The following ELMO1 variants were observed in gnomAD, a reference collection of about 807,000 sequenced individuals.
The protein encoded by ELMO1 is engulfment and cell motility protein 1.
ELMO1 carries 26 observed loss-of-function variants against 98.9 expected under a neutral mutation model. That is an observed-to-expected ratio of 0.26 (90% CI 0.19 to 0.36). The LOEUF (loss-of-function observed/expected upper bound fraction) is 0.36, where lower values mean the gene tolerates loss of function less well. Ranked by LOEUF, ELMO1 falls within the 10% of genes least tolerant of loss-of-function variation. The probability of loss-of-function intolerance (pLI) is 1.00; values close to 1 mark genes in which losing one functional copy is unlikely to be tolerated. For missense variants in ELMO1, 627 were observed against 935.2 expected (o/e 0.67, Z 4.30); for synonymous variants, 346 against 346.0 (o/e 1.00, Z 0.00).
intron 14 of ELMO1, among the ~76,000 whole-genome samples, chr7:37,108,747 C>T (rs997651600): frequency 6.6e-6 from 1 of 152,180 alleles, no homozygotes; most frequent in Admixed American, 6.5e-5. Flanking sequence ...GTTGCACATA[C>T]AGTAGGTGCT....
intron 5 of ELMO1, chr7:37,270,898 C>G (rs111781094): frequency 3.4e-5 from 5 of 145,024 alleles, no homozygotes; most frequent in African/African-American, 5.1e-5. Flanking sequence ...CACACACACA[C>G]ACACAGACAC....
At chr7:37,243,514 T>A (rs371972862) in intron 7 of ELMO1, among the ~76,000 whole-genome samples, 12 of 152,208 alleles carry the variant, frequency 7.9e-5, no homozygotes, top group African/African-American at 2.7e-4. Context: ...CCCTAGAAGC[T>A]CAATATTGCT....
At chr7:37,117,937 A>G (rs920171570) in intron 14 of ELMO1, among the ~76,000 whole-genome samples, 1 of 150,046 alleles carries the variant, frequency 6.7e-6, no homozygotes, top group Non-Finnish European at 1.5e-5. Flanking sequence ...AACTGGCAAC[A>G]TATAATTTTA....
At chr7:36,875,718 T>C (rs1390786684) in intron 19 of ELMO1, among the ~76,000 whole-genome samples, 2 of 152,042 alleles carry the variant, frequency 1.3e-5, no homozygotes, top group Non-Finnish European at 2.9e-5. Context: ...AGGTTAGTTA[T>C]TTTCACCCTG....
intron 15 of ELMO1, among the ~76,000 whole-genome samples, chr7:37,053,805 T>A (rs1369453422): frequency 1.3e-5 from 2 of 152,146 alleles, no homozygotes; most frequent in Non-Finnish European, 2.9e-5. Context: ...TCTACATGTA[T>A]GCAATGTGCA....
intron 13 of ELMO1, among the ~76,000 whole-genome samples, chr7:37,158,387 A>G (rs1788947066): frequency 6.6e-6 from 1 of 152,224 alleles, no homozygotes; most frequent in Non-Finnish European, 1.5e-5. Flanking sequence ...AGAATGGGAG[A>G]AAAATTTTGC....
intron 14 of ELMO1, among the ~76,000 whole-genome samples, chr7:37,131,371 A>G (rs1380303522): frequency 1.3e-5 from 2 of 152,216 alleles, no homozygotes; most frequent in African/African-American, 4.8e-5. Flanking sequence ...AAGTTTTGTC[A>G]GGCTGCCATG....
intron 4 of ELMO1, among the ~76,000 whole-genome samples, chr7:37,282,106 C>T (rs1295769009): frequency 8.5e-3 from 1 of 118 alleles, no homozygotes; most frequent in Non-Finnish European, 0.025. Flanking sequence ...TCTCGTTATG[C>T]CAACTTTTCT....
chr7:37,192,599 G>C (rs990288362), intron 13 of ELMO1, among the ~76,000 whole-genome samples: 2 of 150,708 alleles, frequency 1.3e-5, no homozygotes, highest in Non-Finnish European at 3.0e-5. Flanking sequence ...AGGAGTTCGA[G>C]CCAGCCTGGG....
intron 1 of ELMO1, among the ~76,000 whole-genome samples, chr7:37,348,890 T>C (rs773400424): frequency 1.1e-4 from 16 of 152,248 alleles, no homozygotes; most frequent in Non-Finnish European, 2.2e-4. Flanking sequence ...ATTTCCCATA[T>C]AGTTTTTTAG....
In ELMO1 at chr7:36,853,616, A is replaced by G. The variant is rs539308573; in HGVS notation, c.*1935T>C. On this transcript the variant is annotated 3_prime_UTR_variant, in exon 22 of 22. Coordinates refer to ENST00000310758, the MANE Select transcript of ELMO1 (RefSeq NM_014800.11). Reference sequence around the variant, plus strand: ...TGATGGGAAGAAGGAACCCCTGTGAATGCAAAGGACTTTTTTCCTGCAATG... The same window carrying G: ...TGATGGGAAGAAGGAACCCCTGTGAGTGCAAAGGACTTTTTTCCTGCAATG... Among the ~76,000 whole-genome samples, 172 of 152,352 alleles carry G rather than the reference A, an allele frequency of 1.1e-3. 1 individual carries two copies. The highest frequency in any genetic ancestry group is 4.1e-3 in the African/African-American group (170 of 41,584).
chr7:37,381,484 G>A (rs937031711), intron 1 of ELMO1, among the ~76,000 whole-genome samples: 3 of 152,194 alleles, frequency 2.0e-5, no homozygotes, highest in Non-Finnish European at 4.4e-5. Context: ...CTGCACTAAT[G>A]AAGAGTGAAA....
At chr7:37,240,187 G>A (rs574869970) in intron 7 of ELMO1, among the ~76,000 whole-genome samples, 1 of 151,908 alleles carries the variant, frequency 6.6e-6, no homozygotes, top group African/African-American at 2.4e-5. Context: ...ACAGCCACAA[G>A]GCGTCACACC....
At chr7:37,413,810 G>A (rs4540308) in intron 1 of ELMO1, among the ~76,000 whole-genome samples, 86,083 of 151,832 alleles carry the variant, frequency 0.57, 24,880 homozygotes, top group East Asian at 0.77. Context: ...CCCAAATAGC[G>A]GGGATTACAG....
intron 16 of ELMO1, among the ~76,000 whole-genome samples, chr7:36,934,509 C>T (rs1786338320): frequency 6.6e-6 from 1 of 152,022 alleles, no homozygotes; most frequent in Admixed American, 6.5e-5. Context: ...GGTAAGGGCT[C>T]ACAGCTGTGT....
chr7:37,149,450 C>G (rs1184049039), intron 13 of ELMO1, among the ~76,000 whole-genome samples: 2 of 152,038 alleles, frequency 1.3e-5, no homozygotes, highest in Admixed American at 1.3e-4. Context: ...AGTTGAGAGT[C>G]TAAAATGTTT....
chr7:36,892,279 T>C (rs1805623733), intron 17 of ELMO1, among the ~76,000 whole-genome samples: 1 of 152,166 alleles, frequency 6.6e-6, no homozygotes, highest in African/African-American at 2.4e-5. Context: ...CCAGCCAAGT[T>C]GCTGTCCCTG....
intron 15 of ELMO1, among the ~76,000 whole-genome samples, chr7:37,066,844 A>G (rs1350321400): frequency 2.0e-5 from 3 of 152,216 alleles, no homozygotes; most frequent in Non-Finnish European, 2.9e-5. Flanking sequence ...AGGGTAGAAC[A>G]AAATTAATTT....
At chr7:37,313,381 T>C (rs1798985432) in intron 4 of ELMO1, among the ~76,000 whole-genome samples, 1 of 152,092 alleles carries the variant, frequency 6.6e-6, no homozygotes, top group Non-Finnish European at 1.5e-5. Context: ...CCCATCACCA[T>C]ACCCAGCTAA....
Sources: allele counts gnomAD v4.1 joint callset (sites outside exome capture counted in the v4.1 genomes callset), GRCh38; gene constraint gnomAD v4.1.1; transcripts MANE v1.5; gene names NCBI Gene and HGNC (gene_info 2026-07-23, HGNC 2026-07-21).